GLRA3: variants seen among roughly 807,000 people sequenced by gnomAD.
GLRA3 encodes the protein glycine receptor alpha 3, also known as glycine receptor subunit alpha-3.
In GLRA3, 44 loss-of-function variants were observed where a neutral mutation model predicts 60.4. The ratio of observed to expected loss-of-function variants is 0.73; its 90% CI spans 0.57 to 0.94. GLRA3 has a LOEUF of 0.94. GLRA3 is among the 40% of genes least tolerant of loss of function. GLRA3 has a pLI of 0.00. For synonymous variants in GLRA3, 223 were observed against 192.9 expected (o/e 1.16, Z -1.29); for missense variants, 508 against 564.6 (o/e 0.90, Z 1.02).
chr4:174,754,461 T>TAAA (rs1158014110), intron 3 of GLRA3, among the ~76,000 whole-genome samples: 4 of 152,096 alleles, frequency 2.6e-5, no homozygotes, highest in African/African-American at 9.7e-5. Context: ...CAGATATAAT[T>TAAA]TTAACATTAA....
intron 5 of GLRA3, among the ~76,000 whole-genome samples, chr4:174,689,640 C>G (rs541622933): frequency 1.3e-5 from 2 of 151,210 alleles, no homozygotes; most frequent in African/African-American, 4.9e-5. Context: ...TTCTGCAGCA[C>G]TATCCACCGT....
chr4:174,824,770 C>G (rs945928525), intron 1 of GLRA3, among the ~76,000 whole-genome samples: 2 of 152,114 alleles, frequency 1.3e-5, no homozygotes, highest in African/African-American at 4.8e-5. Flanking sequence ...CTTATATTCC[C>G]TAAAATATTG....
At chr4:174,808,487 T>C (rs1740136837) in intron 1 of GLRA3, among the ~76,000 whole-genome samples, 1 of 152,182 alleles carries the variant, frequency 6.6e-6, no homozygotes, top group Non-Finnish European at 1.5e-5. Flanking sequence ...ACTTGGATAA[T>C]GATAATAAAT....
intron 3 of GLRA3, among the ~76,000 whole-genome samples, chr4:174,751,057 GTCTGTCTATCTATCTA>G (rs1554018196): frequency 7.7e-5 from 11 of 142,404 alleles, no homozygotes; most frequent in South Asian, 4.7e-4. Flanking sequence ...AAGCCTGTCT[GTCTGTCTATCTATCTA>G]TCTATCTATC....
At chr4:174,734,254 T>C (rs1386158405) in intron 3 of GLRA3, among the ~76,000 whole-genome samples, 1 of 152,228 alleles carries the variant, frequency 6.6e-6, no homozygotes, top group East Asian at 1.9e-4. Flanking sequence ...CTTTTACAGT[T>C]CTGAAGTGCT....
At chr4:174,690,319 C>T (rs1423984331) in intron 5 of GLRA3, among the ~76,000 whole-genome samples, 1 of 152,068 alleles carries the variant, frequency 6.6e-6, no homozygotes, top group Non-Finnish European at 1.5e-5. Context: ...ATTTACATTG[C>T]ATTGAAATTA....
At chr4:174,825,758 T>C (rs1740939610) in intron 1 of GLRA3, among the ~76,000 whole-genome samples, 1 of 152,114 alleles carries the variant, frequency 6.6e-6, no homozygotes, top group Non-Finnish European at 1.5e-5. Flanking sequence ...TGTAAATATT[T>C]TGTAAATTTT....
In GLRA3 at chr4:174,697,092, A is replaced by G. The variant is rs947523999; in HGVS notation, c.575-14153T>C. ...CTTAAAAGACTACACATGAGAAAAG[A>G]GGTTATATAAAACTTTACACAACGG... On this transcript the variant is annotated intron_variant, in intron 5 of 9. Transcript: ENST00000274093. Among the ~76,000 whole-genome samples, 14 of 152,318 alleles carry G rather than the reference A, an allele frequency of 9.2e-5. No individual in the cohort carries two copies. The East Asian group carries it at 1.9e-3, about 21-fold the overall frequency.
chr4:174,666,763 A>G (rs1015107457), intron 7 of GLRA3, among the ~76,000 whole-genome samples: 3 of 110,802 alleles, frequency 2.7e-5, no homozygotes, highest in African/African-American at 1.4e-4. Flanking sequence ...TATATATTAT[A>G]TATATATATA....
At chr4:174,790,841 AAAAAAGAAAG>A (rs1407867145) in intron 1 of GLRA3, among the ~76,000 whole-genome samples, 22 of 148,548 alleles carry the variant, frequency 1.5e-4, no homozygotes, top group African/African-American at 4.2e-4. Flanking sequence ...AAAAAAAAAA[AAAAAAGAAAG>A]AAATTAGCCG....
At chr4:174,685,346 G>T (rs1196705761) in intron 5 of GLRA3, among the ~76,000 whole-genome samples, 1 of 152,174 alleles carries the variant, frequency 6.6e-6, no homozygotes. Flanking sequence ...CCACTCTACA[G>T]GCAGTGGAGA....
intron 3 of GLRA3, among the ~76,000 whole-genome samples, chr4:174,732,777 C>CTCTATA (rs528198193): frequency 6.7e-6 from 1 of 149,840 alleles, no homozygotes; most frequent in African/African-American, 2.5e-5. Flanking sequence ...CTCTCTCTCT[C>CTCTATA]TATATATATA....
chr4:174,766,423 A>C (rs976244344), intron 3 of GLRA3, among the ~76,000 whole-genome samples: 1 of 152,102 alleles, frequency 6.6e-6, no homozygotes, highest in Admixed American at 6.6e-5. Flanking sequence ...TATAAAATTT[A>C]AGACAGAAGA....
At chr4:174,822,560 A>G (rs548836860) in intron 1 of GLRA3, among the ~76,000 whole-genome samples, 2 of 152,350 alleles carry the variant, frequency 1.3e-5, no homozygotes, top group African/African-American at 4.8e-5. Flanking sequence ...TTAAGGGATG[A>G]CCACCTGTTG....
Position 174,641,547 on chromosome 4 carries a change from GTGTAA to G in GLRA3, c.*2234_*2238del, listed in dbSNP as rs1185792920. 2.0e-5 allele frequency: 3 copies of G among 152,020 alleles called. No individual in the cohort carries two copies. Among genetic ancestry groups the G allele is most frequent in the African/African-American group, 7.2e-5 (3 of 41,432 alleles). The allele number at this position is 152,020 out of a possible 1,614,324, so 9.4% of individuals were successfully genotyped here. A position where few individuals can be genotyped will look rare whatever the true frequency, so the allele number is the denominator to read the frequency against. ...GAAAGGAAAACTATGCCTAAGGAAA[GTGTAA>G]TACTTTTGAGATAGATTTCTAATGT... On this transcript the variant is annotated 3_prime_UTR_variant, in exon 10 of 10. Transcript: ENST00000274093.
intron 3 of GLRA3, among the ~76,000 whole-genome samples, chr4:174,749,770 G>A (rs1333453877): frequency 6.6e-6 from 1 of 152,066 alleles, no homozygotes; most frequent in African/African-American, 2.4e-5. Flanking sequence ...GTACCTTCAT[G>A]GATGAAGATG....
At chr4:174,751,187 C>T (rs764883691) in intron 3 of GLRA3, among the ~76,000 whole-genome samples, 1 of 151,890 alleles carries the variant, frequency 6.6e-6, no homozygotes, top group Non-Finnish European at 1.5e-5. Context: ...TTTATAGAAG[C>T]TTTTTCTGGT....
At chr4:174,720,197 T>A (rs1168115014) in intron 4 of GLRA3, among the ~76,000 whole-genome samples, 1 of 152,196 alleles carries the variant, frequency 6.6e-6, no homozygotes, top group Non-Finnish European at 1.5e-5. Flanking sequence ...TTTAACTGCC[T>A]ATGATGGGAT....
intron 3 of GLRA3, among the ~76,000 whole-genome samples, chr4:174,758,687 A>T (rs1737823008): frequency 6.6e-6 from 1 of 152,168 alleles, no homozygotes; most frequent in Non-Finnish European, 1.5e-5. Flanking sequence ...TATCATCCTA[A>T]CTAATGTAAC....
Sources: gnomAD v4.1 joint callset for allele counts (sites outside exome capture counted in the v4.1 genomes callset) on GRCh38, gnomAD v4.1.1 for gene constraint, MANE v1.5 for transcripts, NCBI Gene and HGNC (gene_info 2026-07-23, HGNC 2026-07-21) for gene names.